NDFIP1: variants seen among roughly 807,000 people sequenced by gnomAD.
NDFIP1 encodes NEDD4 family-interacting protein 1.
NDFIP1 carries 7 observed loss-of-function variants against 28.8 expected under a neutral mutation model. The ratio of observed to expected loss-of-function variants is 0.24; its 90% CI spans 0.14 to 0.46. The LOEUF (loss-of-function observed/expected upper bound fraction) is 0.46. Among genes scored for constraint, NDFIP1 ranks in the 20% least tolerant of loss-of-function variants. The probability of loss-of-function intolerance (pLI) is 0.99; values close to 1 mark genes in which losing one functional copy is unlikely to be tolerated. For missense variants in NDFIP1, 194 were observed against 269.1 expected, an observed-to-expected ratio of 0.72 and a Z score of 1.95; for synonymous variants, 92 against 101.0, an observed-to-expected ratio of 0.91 and a Z score of 0.53.
At chr5:142,118,174 A>G (rs778136058) in intron 1 of NDFIP1, among the ~76,000 whole-genome samples, 6 of 152,208 alleles carry the variant, frequency 3.9e-5, no homozygotes, top group Non-Finnish European at 7.3e-5. Flanking sequence ...GTACATTGTT[A>G]TCAATTAAAG....
chr5:142,153,585 GT>G lies in NDFIP1; in HGVS notation c.*1861del, dbSNP rs1757469358. On this transcript the variant is annotated 3_prime_UTR_variant, in exon 8 of 8. Transcript: ENST00000253814. ...GTTATATTTGATAATAGAGAAGGGA[GT>G]TTTATGGAAGTTTCTTTGAAGATTT... is the stretch of plus-strand genomic sequence containing the variant. 7.2e-6 allele frequency: 2 copies of G among 278,756 alleles called. No individual in the cohort carries two copies. The highest frequency in any genetic ancestry group is 4.5e-5 in the African/African-American group (2 of 44,546). 17.3% of individuals were successfully genotyped at this position (278,756 alleles called of 1,614,324 possible).
intron 3 of NDFIP1, among the ~76,000 whole-genome samples, chr5:142,132,543 C>A (rs1159155543): frequency 6.6e-6 from 1 of 152,216 alleles, no homozygotes; most frequent in African/African-American, 2.4e-5. Context: ...CAGACCTGCT[C>A]ATTTTTCCTT....
rs1261181060 is a variant in NDFIP1 at position 142,148,779 on chromosome 5, T to G, written c.*3-2952T>G. On this transcript the variant is annotated intron_variant, in intron 7 of 7. Transcript: ENST00000253814. ...AAAAAAAAAAAAAAAAAAAAAAAAGTATGTGACTGAGGAAGCAGAAGAAAC... is the reference window on the plus strand; with the variant it reads ...AAAAAAAAAAAAAAAAAAAAAAAAGGATGTGACTGAGGAAGCAGAAGAAAC... Among the ~76,000 whole-genome samples, 216 of 84,194 alleles carry G rather than the reference T, an allele frequency of 2.6e-3. 8 individuals are homozygous for G. The highest frequency in any genetic ancestry group is 6.4e-3 in the East Asian group (13 of 2,044). 55.2% of individuals were successfully genotyped at this position (84,194 alleles called of 152,430 possible).
chr5:142,136,311 A>G (rs1434353804), intron 4 of NDFIP1, among the ~76,000 whole-genome samples: 1 of 152,238 alleles, frequency 6.6e-6, no homozygotes, highest in Non-Finnish European at 1.5e-5. Context: ...AAGAAAATGC[A>G]ATGCTTTTAG....
chr5:142,128,447 T>C (rs561464505), intron 1 of NDFIP1, among the ~76,000 whole-genome samples: 1 of 152,286 alleles, frequency 6.6e-6, no homozygotes, highest in Non-Finnish European at 1.5e-5. Context: ...GTTCCTCCAC[T>C]TGTTAGTGAA....
intron 1 of NDFIP1, among the ~76,000 whole-genome samples, chr5:142,121,911 C>T (rs749200025): frequency 1.3e-5 from 2 of 152,238 alleles, no homozygotes; most frequent in Non-Finnish European, 2.9e-5. Context: ...TGTATCCATG[C>T]TGTGCCACTC....
chr5:142,146,615 T>TA (rs938105684), intron 7 of NDFIP1, among the ~76,000 whole-genome samples: 1 of 152,166 alleles, frequency 6.6e-6, no homozygotes, highest in Non-Finnish European at 1.5e-5. Context: ...TTTCTCTTTT[T>TA]AAAAAAAGTC....
Position 142,152,626 on chromosome 5 carries a change from CT to C in NDFIP1, c.*899del. 6.5e-6 allele frequency: 1 copy of C among 153,024 alleles called. No individual in the cohort carries two copies. The highest frequency in any genetic ancestry group is 1.5e-5 in the Non-Finnish European group (1 of 68,392). The allele number at this position is 153,024 out of a possible 1,614,324, so 9.5% of individuals were successfully genotyped here. A position where few individuals can be genotyped will look rare whatever the true frequency, so the allele number is the denominator to read the frequency against. On this transcript the variant is annotated 3_prime_UTR_variant, in exon 8 of 8. Coordinates refer to ENST00000253814, the MANE Select transcript of NDFIP1 (RefSeq NM_030571.4). ...AACTTTTGAGATGATCCCTAACATA[CT>C]GTACTACTTGCTTTTACAATGTGTT...
At chr5:142,142,940 A>AAAAAATATATATAT (rs60076432) in intron 6 of NDFIP1, 1 of 38,146 alleles carries the variant, frequency 2.6e-5, no homozygotes, top group Non-Finnish European at 4.4e-5. Flanking sequence ...AAAAAAAAAA[A>AAAAAATATATATAT]ATATATATAT....
At chr5:142,131,940 T>A in intron 2 of NDFIP1, 45 bp downstream of exon 2, 1 of 1,476,606 alleles carries the variant, frequency 6.8e-7, no homozygotes, top group Non-Finnish European at 9.2e-7. Flanking sequence ...AAAAACACTC[T>A]GTGCTTTGAC....
intron 1 of NDFIP1, among the ~76,000 whole-genome samples, chr5:142,123,015 T>C (rs2126913730): frequency 6.6e-6 from 1 of 152,268 alleles, no homozygotes; most frequent in East Asian, 1.9e-4. Context: ...CAGGCTGGAG[T>C]GCAGTGGGGT....
chr5:142,112,672 T>G (rs1757027158), intron 1 of NDFIP1, among the ~76,000 whole-genome samples: 1 of 149,578 alleles, frequency 6.7e-6, no homozygotes, highest in African/African-American at 2.5e-5. Context: ...GTGCCTGTAG[T>G]AGTCCCAGCT....
At chr5:142,110,604 T>C (rs566008997) in intron 1 of NDFIP1, among the ~76,000 whole-genome samples, 1 of 151,670 alleles carries the variant, frequency 6.6e-6, no homozygotes, top group East Asian at 1.9e-4. Context: ...AGAATTGAAG[T>C]ATAAAAAAAA....
chr5:142,136,872 C>T (rs917121541), intron 4 of NDFIP1, among the ~76,000 whole-genome samples: 1 of 151,140 alleles, frequency 6.6e-6, no homozygotes, highest in Non-Finnish European at 1.5e-5. Context: ...TCAAGACCAA[C>T]CTGGCCAACA....
intron 1 of NDFIP1, among the ~76,000 whole-genome samples, chr5:142,109,631 A>C (rs761721334): frequency 6.6e-6 from 1 of 152,194 alleles, no homozygotes; most frequent in Non-Finnish European, 1.5e-5. Flanking sequence ...TGATGCCCCA[A>C]AAGGGAGAGC....
At chr5:142,113,569 C>T (rs1757036537) in intron 1 of NDFIP1, among the ~76,000 whole-genome samples, 1 of 152,158 alleles carries the variant, frequency 6.6e-6, no homozygotes, top group Non-Finnish European at 1.5e-5. Context: ...TGGTAAAATA[C>T]ACATAAAATT....
intron 5 of NDFIP1, among the ~76,000 whole-genome samples, chr5:142,138,604 T>TA (rs1212670981): frequency 6.6e-6 from 1 of 152,194 alleles, no homozygotes; most frequent in African/African-American, 2.4e-5. Context: ...AGTGCCACCT[T>TA]ATTTATTATA....
intron 5 of NDFIP1, among the ~76,000 whole-genome samples, chr5:142,138,768 A>G (rs900372792): frequency 2.6e-5 from 4 of 152,144 alleles, no homozygotes; most frequent in African/African-American, 9.7e-5. Flanking sequence ...TCCTTCCCTA[A>G]ATTTTAATTG....
At chr5:142,136,524 GC>G (rs1757276658) in intron 4 of NDFIP1, among the ~76,000 whole-genome samples, 1 of 152,042 alleles carries the variant, frequency 6.6e-6, no homozygotes, top group Non-Finnish European at 1.5e-5. Flanking sequence ...GGAGGCCGAG[GC>G]AGGCAGATGC....
Sources: allele counts gnomAD v4.1 joint callset (sites outside exome capture counted in the v4.1 genomes callset), GRCh38; gene constraint gnomAD v4.1.1; transcripts MANE v1.5; gene names NCBI Gene and HGNC (gene_info 2026-07-23, HGNC 2026-07-21).